Variants in AGBL3 observed in about 807,000 individuals in gnomAD.
AGBL3 encodes cytosolic carboxypeptidase 3.
Under a neutral mutation model 94.5 loss-of-function variants are expected in AGBL3, and 68 were observed. The observed-to-expected ratio is 0.72, with a 90% CI of 0.59 to 0.88. The LOEUF is 0.88. Among genes scored for constraint, AGBL3 ranks in the 40% least tolerant of loss-of-function variants. The pLI, the probability that AGBL3 is intolerant of heterozygous loss-of-function variation, is 0.00. For synonymous variants in AGBL3, 354 were observed against 370.7 expected (o/e 0.95, Z 0.52); for missense variants, 934 against 1,103.8 (o/e 0.85, Z 2.18).
chr7:135,092,144 C>T (rs979239329), intron 15 of AGBL3, among the ~76,000 whole-genome samples: 35 of 152,026 alleles, frequency 2.3e-4, no homozygotes, highest in South Asian at 2.1e-4. Flanking sequence ...AGAACTCATT[C>T]AGAGCCTTAT....
At chr7:135,057,018 C>G (rs1446972520) in intron 11 of AGBL3, among the ~76,000 whole-genome samples, 1 of 152,004 alleles carries the variant, frequency 6.6e-6, no homozygotes, top group Admixed American at 6.6e-5. Flanking sequence ...CAGTGCAGTA[C>G]TAGAGAAAGA....
At position 135,034,216 on chromosome 7, in the gene AGBL3, TA is replaced by T. The variant is rs1563202177; in HGVS notation, c.626del (p.Tyr209PhefsTer11). Reference protein sequence around the residue: ...LFTNKHTQWYYFQVTNMRAGI... With the variant: ...LFTNKHTQWYXFQVTNMRAGI... Reference sequence around the variant, plus strand: ...CACAAATAAACACACCCAGTGGTACTATTTCCAAGTCACTAATATGCGAGCA... The same window carrying T: ...CACAAATAAACACACCCAGTGGTACTTTTCCAAGTCACTAATATGCGAGCA... On this transcript the variant is annotated frameshift_variant, in exon 7 of 17. Transcript: ENST00000436302. LOFTEE classifies it high-confidence loss of function. The T allele has an allele frequency of 1.9e-6, 3 of 1,551,692 alleles. No homozygotes were observed. The highest frequency in any genetic ancestry group is 2.6e-6 in the Non-Finnish European group (3 of 1,146,946).
chr7:135,038,456 T>G lies in AGBL3; in HGVS notation c.1500+876T>G, dbSNP rs1453160823. 3.3e-5 allele frequency among the ~76,000 whole-genome samples: 5 copies of G among 152,236 alleles called. No individual in the cohort carries two copies. In the South Asian group the frequency reaches 8.3e-4, roughly 25 times the overall value. On this transcript the variant is annotated intron_variant, in intron 8 of 16. Transcript: ENST00000436302. ...ATAGTTTATTACTCCTATAAAATAA[T>G]TCTGTGTTACTAAGATATTTTGATG...
chr7:135,083,542 T>A (rs1240715013), intron 15 of AGBL3, among the ~76,000 whole-genome samples: 1 of 151,798 alleles, frequency 6.6e-6, no homozygotes, highest in Non-Finnish European at 1.5e-5. Context: ...AAAAGAACAT[T>A]CTCTTACATT....
intron 15 of AGBL3, among the ~76,000 whole-genome samples, chr7:135,107,837 G>A (rs1824979241): frequency 6.6e-6 from 1 of 152,108 alleles, no homozygotes; most frequent in Non-Finnish European, 1.5e-5. Flanking sequence ...TATTTTGTGT[G>A]GGAATCTAAG....
chr7:135,088,260 C>T (rs1821490963), intron 15 of AGBL3, among the ~76,000 whole-genome samples: 1 of 152,034 alleles, frequency 6.6e-6, no homozygotes, highest in African/African-American at 2.4e-5. Context: ...AAAATCCATT[C>T]AGTCTATATC....
intron 5 of AGBL3, among the ~76,000 whole-genome samples, chr7:135,028,259 T>G (rs1378534213): frequency 6.6e-6 from 1 of 151,556 alleles, no homozygotes; most frequent in Non-Finnish European, 1.5e-5. Flanking sequence ...TGACTCTTCA[T>G]GAAAGATTTC....
At chr7:135,098,439 A>T (rs532786134) in intron 15 of AGBL3, among the ~76,000 whole-genome samples, 1 of 152,346 alleles carries the variant, frequency 6.6e-6, no homozygotes, top group African/African-American at 2.4e-5. Flanking sequence ...CAAGGAAAAA[A>T]GTCTGCACGT....
intron 12 of AGBL3, among the ~76,000 whole-genome samples, chr7:135,065,264 G>T (rs1215433259): frequency 3.3e-5 from 5 of 152,092 alleles, no homozygotes; most frequent in Non-Finnish European, 7.4e-5. Context: ...ACTACCCAAA[G>T]CTCTCTACAA....
chr7:135,134,838 T>C lies in AGBL3; in HGVS notation c.2343-3T>C, dbSNP rs1226036940. ...AAATTCACGTATTTCATTTCTTTTC[T>C]AGACTAAATCCGGCTACTTGCAGAA... On this transcript the variant is annotated splice_polypyrimidine_tract_variant and splice_region_variant and intron_variant, in intron 16 of 16. Coordinates refer to ENST00000436302, the MANE Select transcript of AGBL3 (RefSeq NM_178563.4). 1.9e-6 allele frequency: 3 copies of C among 1,548,290 alleles called. No homozygotes were observed. Among genetic ancestry groups the C allele is most frequent in the Non-Finnish European group, 2.6e-6 (3 of 1,144,822 alleles).
At chr7:135,080,695 C>T (rs1254670989) in intron 14 of AGBL3, among the ~76,000 whole-genome samples, 1 of 150,276 alleles carries the variant, frequency 6.7e-6, no homozygotes, top group African/African-American at 2.4e-5. Flanking sequence ...GCTTCTACTG[C>T]AACCTGCTAA....
intron 12 of AGBL3, among the ~76,000 whole-genome samples, chr7:135,075,034 T>C: frequency 6.6e-6 from 1 of 152,240 alleles, no homozygotes; most frequent in East Asian, 1.9e-4. Context: ...TAACTTGCTG[T>C]TGTAAGAAAT....
intron 5 of AGBL3, among the ~76,000 whole-genome samples, chr7:135,031,134 G>C (rs758661552): frequency 4.0e-5 from 6 of 151,848 alleles, no homozygotes; most frequent in Non-Finnish European, 7.4e-5. Flanking sequence ...TTATCTTGGA[G>C]TCTGCTGAAT....
intron 16 of AGBL3, chr7:135,129,148 T>A: frequency 6.7e-7 from 1 of 1,490,516 alleles, no homozygotes; most frequent in South Asian, 1.1e-5. Flanking sequence ...TATGACTGCC[T>A]TCTCCTCCAG....
intron 16 of AGBL3, among the ~76,000 whole-genome samples, chr7:135,116,649 C>T (rs1229005932): frequency 6.6e-6 from 1 of 152,122 alleles, no homozygotes; most frequent in Non-Finnish European, 1.5e-5. Context: ...AAAGTTCTGG[C>T]TTCTATTTGT....
chr7:135,038,268 A>G (rs1202418860), intron 8 of AGBL3, among the ~76,000 whole-genome samples: 1 of 40,762 alleles, frequency 2.5e-5, no homozygotes, highest in Non-Finnish European at 6.4e-5. Context: ...TTGGGGCCCA[A>G]AGACATAAAA....
At chr7:135,077,636 A>G (rs989748594) in intron 13 of AGBL3, among the ~76,000 whole-genome samples, 2 of 152,196 alleles carry the variant, frequency 1.3e-5, no homozygotes, top group African/African-American at 4.8e-5. Context: ...TTATCTTACC[A>G]GCAGCAAATC....
Position 135,036,990 on chromosome 7 carries a change from G to A in AGBL3, c.1338-428G>A, listed in dbSNP as rs187653081. Among the ~76,000 whole-genome samples the A allele has an allele frequency of 1.9e-3, 286 of 151,608 alleles. 3 individuals are homozygous for A. The highest frequency in any genetic ancestry group is 6.5e-3 in the African/African-American group (270 of 41,360). ...GGAGTGCAGTAGTAATGCTGTCTTCGCTCACTGCAACCTCTGCCTCCTGGG... is the reference window on the plus strand; with the variant it reads ...GGAGTGCAGTAGTAATGCTGTCTTCACTCACTGCAACCTCTGCCTCCTGGG... On this transcript the variant is annotated intron_variant, in intron 7 of 16. Transcript: ENST00000436302.
rs535455219 is a variant in AGBL3 at position 135,026,301 on chromosome 7, G to A, written c.419-6543G>A. Among the ~76,000 whole-genome samples, 81 of 9,248 alleles carry A rather than the reference G, an allele frequency of 8.8e-3. 7 individuals carry two copies. The South Asian group carries it at 0.29, about 33-fold the overall frequency. 6.1% of individuals were successfully genotyped at this position (9,248 alleles called of 152,430 possible). A position where few individuals can be genotyped will look rare whatever the true frequency, so the allele number is the denominator to read the frequency against. On this transcript the variant is annotated intron_variant, in intron 5 of 16. Transcript: ENST00000436302. Reference sequence around the variant, plus strand: ...TATTTTATTTTATTTTAGAGATGGAGGCTTGCTCTTTTGCCCGGGCTGGAG... The same window carrying A: ...TATTTTATTTTATTTTAGAGATGGAAGCTTGCTCTTTTGCCCGGGCTGGAG...
Sources: gnomAD v4.1 joint callset for allele counts (sites outside exome capture counted in the v4.1 genomes callset) on GRCh38, gnomAD v4.1.1 for gene constraint, MANE v1.5 for transcripts, NCBI Gene and HGNC (gene_info 2026-07-23, HGNC 2026-07-21) for gene names.